The following DSCAML1 variants were observed in gnomAD, a reference collection of about 807,000 sequenced individuals.
DSCAML1 encodes the protein DS cell adhesion molecule like 1.
DSCAML1 carries 38 observed loss-of-function variants against 200.5 expected under a neutral mutation model. The observed-to-expected ratio is 0.19, with a 90% CI of 0.15 to 0.25. The LOEUF is 0.25. Among genes scored for constraint, DSCAML1 ranks in the 10% least tolerant of loss-of-function variants. The pLI is 1.00. For synonymous variants in DSCAML1, 1,215 were observed against 1,165.0 expected (o/e 1.04, Z -0.87); for missense variants, 2,223 against 2,858.8 (o/e 0.78, Z 5.07).
intron 8 of DSCAML1, among the ~76,000 whole-genome samples, chr11:117,512,439 T>G (rs2049644084): frequency 6.6e-6 from 1 of 151,892 alleles, no homozygotes; most frequent in Non-Finnish European, 1.5e-5. Flanking sequence ...TCTAATGAGG[T>G]GGGAGAGGGA....
At chr11:117,648,200 G>A (rs1476039043) in intron 3 of DSCAML1, among the ~76,000 whole-genome samples, 1 of 152,210 alleles carries the variant, frequency 6.6e-6, no homozygotes. Context: ...GACCTGGAAA[G>A]CAGACCTGGT....
At chr11:117,576,587 G>A (rs1408343913) in intron 3 of DSCAML1, among the ~76,000 whole-genome samples, 1 of 152,220 alleles carries the variant, frequency 6.6e-6, no homozygotes, top group Non-Finnish European at 1.5e-5. Flanking sequence ...TCCTAGCACC[G>A]TGCCTGGCAC....
chr11:117,518,715 G>C lies in DSCAML1; in HGVS notation c.1261C>G (p.Pro421Ala). Residue 421 changes from proline to alanine, a missense_variant, in exon 7 of 33, where the codon CCC becomes GCC. Physicochemically the swap from Pro to Ala is conservative, Grantham distance 27. Around this residue, in one of 7 missense-constraint regions of DSCAML1, gnomAD observed 579 missense variants for 721.5 expected, o/e 0.80. Coordinates refer to ENST00000651296, the MANE Select transcript of DSCAML1 (RefSeq NM_020693.4). The surrounding 1 kb of genome is among the most constrained non-coding windows in gnomAD (Gnocchi z 6.3). ...VSSFSEKVVN[P>A]GEQFSLMCAA... ...CACATCAGTGAGAACTGCTCCCCGG[G>C]GTTGACCACCTTCTCGCTGAAGGAC... is the stretch of plus-strand genomic sequence containing the variant. 6.2e-7 allele frequency: 1 copy of C among 1,613,068 alleles called. No homozygotes were observed. The highest frequency in any genetic ancestry group is 8.5e-7 in the Non-Finnish European group (1 of 1,180,014).
rs1450676074 is a variant in DSCAML1 at position 117,444,000 on chromosome 11, A to G, written c.3748T>C (p.Tyr1250His). Residue 1250 changes from tyrosine to histidine, a missense_variant, in exon 21 of 33, where the codon TAC (tyrosine) becomes CAC (histidine). Tyr to His is a moderately conservative substitution (Grantham distance 83, BLOSUM62 2). Transcript: ENST00000651296. Reference protein sequence around the residue: ...EYETSPEQLFYRIAHLNRGQQ... With the variant: ...EYETSPEQLFHRIAHLNRGQQ... ...CCGCGGTTTAGGTGGGCGATCCGGT[A>G]GAAGAGCTGCTCTGGACTCGTCTCG... 1 of 1,613,868 alleles carries G rather than the reference A, an allele frequency of 6.2e-7. No individual in the cohort carries two copies. The highest frequency in any genetic ancestry group is 1.3e-5 in the African/African-American group (1 of 74,932).
intron 3 of DSCAML1, among the ~76,000 whole-genome samples, chr11:117,568,283 A>C (rs1007293589): frequency 6.6e-6 from 1 of 152,072 alleles, no homozygotes; most frequent in African/African-American, 2.4e-5. Flanking sequence ...AATGGGCAAA[A>C]ACTGGAAGCA....
intron 11 of DSCAML1, among the ~76,000 whole-genome samples, chr11:117,488,474 C>T (rs551107058): frequency 9.9e-4 from 151 of 152,264 alleles, no homozygotes; most frequent in Non-Finnish European, 1.9e-3. Context: ...GCGGCCACCA[C>T]GAATTCCCTG....
intron 3 of DSCAML1, among the ~76,000 whole-genome samples, chr11:117,676,318 A>G (rs1167364781): frequency 6.6e-6 from 1 of 152,202 alleles, no homozygotes; most frequent in African/African-American, 2.4e-5. Flanking sequence ...TTATCTTTAC[A>G]AAAGGGGTAA....
At chr11:117,644,462 C>T (rs1591356736) in intron 3 of DSCAML1, among the ~76,000 whole-genome samples, 1 of 152,378 alleles carries the variant, frequency 6.6e-6, no homozygotes, top group Middle Eastern at 3.4e-3. Flanking sequence ...CGCATGTGAG[C>T]TGGCACCCCA....
intron 3 of DSCAML1, among the ~76,000 whole-genome samples, chr11:117,644,966 G>T (rs1367464765): frequency 2.0e-5 from 3 of 152,242 alleles, no homozygotes; most frequent in Non-Finnish European, 2.9e-5. Flanking sequence ...GACCCCGCAG[G>T]CCGCCTCAGA....
At chr11:117,548,459 G>T (rs1182618295) in intron 3 of DSCAML1, among the ~76,000 whole-genome samples, 1 of 152,116 alleles carries the variant, frequency 6.6e-6, no homozygotes, top group African/African-American at 2.4e-5. Flanking sequence ...GCCCCTCTTA[G>T]ACCCTCTCTT....
chr11:117,475,778 G>A (rs902623092), intron 14 of DSCAML1, among the ~76,000 whole-genome samples: 4 of 152,076 alleles, frequency 2.6e-5, no homozygotes, highest in Admixed American at 6.6e-5. Flanking sequence ...GGAGTGTCCC[G>A]GAGAACAACT....
intron 3 of DSCAML1, among the ~76,000 whole-genome samples, chr11:117,731,288 G>T (rs1033829068): frequency 6.6e-6 from 1 of 152,112 alleles, no homozygotes; most frequent in Non-Finnish European, 1.5e-5. Context: ...CAGCCCTCTG[G>T]TTCACCTGAG....
intron 8 of DSCAML1, among the ~76,000 whole-genome samples, chr11:117,509,578 G>A (rs2049577673): frequency 6.6e-6 from 1 of 152,166 alleles, no homozygotes; most frequent in African/African-American, 2.4e-5. Flanking sequence ...CACACACCGG[G>A]CAGCCTGGAG....
chr11:117,698,819 C>A (rs1185506189), intron 3 of DSCAML1, among the ~76,000 whole-genome samples: 1 of 152,164 alleles, frequency 6.6e-6, no homozygotes, highest in East Asian at 1.9e-4. Flanking sequence ...TATACCACAG[C>A]CCCACACATA....
intron 3 of DSCAML1, among the ~76,000 whole-genome samples, chr11:117,680,365 A>G (rs772643493): frequency 2.0e-4 from 30 of 152,154 alleles, no homozygotes; most frequent in Non-Finnish European, 4.3e-4. Flanking sequence ...GCCCTGAGGG[A>G]CATGGCACAG....
intron 3 of DSCAML1, among the ~76,000 whole-genome samples, chr11:117,741,266 G>A (rs1189232149): frequency 6.6e-6 from 1 of 152,166 alleles, no homozygotes; most frequent in Non-Finnish European, 1.5e-5. Context: ...GGGTGGAAGC[G>A]ACAAATGCCA....
At chr11:117,547,577 CT>C (rs1174272183) in intron 3 of DSCAML1, among the ~76,000 whole-genome samples, 5 of 152,164 alleles carry the variant, frequency 3.3e-5, no homozygotes, top group African/African-American at 1.2e-4. Flanking sequence ...CAGGGATATG[CT>C]TTCTGACCCC....
rs1565280433 is a variant in DSCAML1 at position 117,780,171 on chromosome 11, G to A, written c.364+322C>T. Among the ~76,000 whole-genome samples, 1 of 96,274 alleles carries A rather than the reference G, an allele frequency of 1.0e-5. No individual in the cohort carries two copies. The highest frequency in any genetic ancestry group is 2.2e-5 in the Non-Finnish European group (1 of 45,784). The allele number at this position is 96,274 out of a possible 152,430, so 63.2% of individuals were successfully genotyped here. A position where few individuals can be genotyped will look rare whatever the true frequency, so the allele number is the denominator to read the frequency against. On this transcript the variant is annotated intron_variant, in intron 2 of 32. Transcript: ENST00000651296. The surrounding 1 kb of genome is among the most constrained non-coding windows in gnomAD (Gnocchi z 4.8). ...AGAGAGAGAGAGAGAAAGAAAGAAAGAAAAAAAGAAAAAAAGAAAGAAAGA... is the reference window on the plus strand; with the variant it reads ...AGAGAGAGAGAGAGAAAGAAAGAAAAAAAAAAAGAAAAAAAGAAAGAAAGA...
intron 3 of DSCAML1, among the ~76,000 whole-genome samples, chr11:117,698,883 A>G (rs2053625311): frequency 6.6e-6 from 1 of 152,188 alleles, no homozygotes; most frequent in Non-Finnish European, 1.5e-5. Context: ...GAGGGAGAAG[A>G]AGGTATTCCA....
Sources: allele counts gnomAD v4.1 joint callset (sites outside exome capture counted in the v4.1 genomes callset), GRCh38; gene constraint gnomAD v4.1.1; regional missense constraint gnomAD v4.1.1; non-coding constraint Gnocchi (gnomAD v3.1); transcripts MANE v1.5; gene names NCBI Gene and HGNC (gene_info 2026-07-23, HGNC 2026-07-21).